DYNC2H1: variants seen among roughly 807,000 people sequenced by gnomAD.
DYNC2H1 encodes cytoplasmic dynein 2 heavy chain 1.
A neutral mutation model predicts 570.0 loss-of-function variants in DYNC2H1; 410 were observed. The observed-to-expected ratio is 0.72, with a 90% CI of 0.66 to 0.78. DYNC2H1 has a LOEUF of 0.78. Ranked by LOEUF, DYNC2H1 falls within the 30% of genes least tolerant of loss-of-function variation. The probability of loss-of-function intolerance (pLI) is 0.00; values close to 1 mark genes in which losing one functional copy is unlikely to be tolerated. For missense variants in DYNC2H1, 4,865 were observed against 5,046.4 expected (o/e 0.96, Z 1.09); for synonymous variants, 1,688 against 1,677.6 (o/e 1.01, Z -0.15).
intron 31 of DYNC2H1, among the ~76,000 whole-genome samples, chr11:103,167,545 G>A (rs1344907674): frequency 6.6e-6 from 1 of 152,114 alleles, no homozygotes; most frequent in Non-Finnish European, 1.5e-5. Flanking sequence ...TGGGATTACA[G>A]GCATGAGCCT....
chr11:103,117,800 T>C lies in DYNC2H1; in HGVS notation c.936T>C (p.His312=), dbSNP rs777107221. 30 of 1,612,986 alleles carry C rather than the reference T, an allele frequency of 1.9e-5. No homozygotes were observed. The highest frequency in any genetic ancestry group is 2.5e-5 in the Non-Finnish European group (30 of 1,179,270). ...AGGTGTGGCAGCGCTATGTTCCTCA[T>C]CCATGGAAAAATGAAAAATATTTTC... is the stretch of plus-strand genomic sequence containing the variant. ...TGQVWQRYVP[H]PWKNEKYFPE... The change falls in exon 6 of 89, where the codon CAT becomes CAC. Residue 312 remains histidine, a synonymous_variant. Coordinates refer to ENST00000375735, the MANE Select transcript of DYNC2H1 (RefSeq NM_001377.3).
chr11:103,231,559 T>C (rs1413187071), intron 60 of DYNC2H1, among the ~76,000 whole-genome samples: 1 of 148,846 alleles, frequency 6.7e-6, no homozygotes. Flanking sequence ...AAAAATTTCT[T>C]CATGCAAATG....
rs138316760 is a variant in DYNC2H1 at position 103,128,563 on chromosome 11, C to A, written c.1858-347C>A. On this transcript the variant is annotated intron_variant, in intron 12 of 88. Transcript: ENST00000375735. Reference sequence around the variant, plus strand: ...TAGCATATACTGAAAAAAGAAGGAGCAGATTTGGAGAAGTGCAGGAATTAA... The same window carrying A: ...TAGCATATACTGAAAAAAGAAGGAGAAGATTTGGAGAAGTGCAGGAATTAA... Among the ~76,000 whole-genome samples the A allele has an allele frequency of 1.6e-3, 251 of 152,314 alleles. 1 individual carries two copies. Among genetic ancestry groups the A allele is most frequent in the Middle Eastern group, 0.01 (3 of 294 alleles).
chr11:103,464,174 A>G (rs564267858), intron 87 of DYNC2H1, among the ~76,000 whole-genome samples: 1 of 152,364 alleles, frequency 6.6e-6, no homozygotes, highest in Non-Finnish European at 1.5e-5. Flanking sequence ...TTGAACAGAT[A>G]CATGAAGGAA....
At chr11:103,113,284 G>T (rs1858201369) in intron 1 of DYNC2H1, among the ~76,000 whole-genome samples, 1 of 152,060 alleles carries the variant, frequency 6.6e-6, no homozygotes, top group East Asian at 1.9e-4. Flanking sequence ...ATAGTTAGCA[G>T]TCAACAACGT....
rs1303045093 is a variant in DYNC2H1, at chr11:103,133,219, C to G, written c.1954-336C>G. Among the ~76,000 whole-genome samples the G allele has an allele frequency of 6.6e-6, 1 of 152,080 alleles. No homozygotes were observed. Among genetic ancestry groups the G allele is most frequent in the Non-Finnish European group, 1.5e-5 (1 of 68,018 alleles). On this transcript the variant is annotated intron_variant, in intron 13 of 88. Transcript: ENST00000375735. This position sits in a 1 kb window ranked among gnomAD's most constrained non-coding sequence, Gnocchi z 4.8. Reference sequence around the variant, plus strand: ...TTGGAATCTTCTCTAGCGCCCTGTCCTGGATGTATAGGAGATAATAAGGAA... The same window carrying G: ...TTGGAATCTTCTCTAGCGCCCTGTCGTGGATGTATAGGAGATAATAAGGAA...
In DYNC2H1 at chr11:103,203,774, A is replaced by G. The variant is rs775009595; in HGVS notation, c.8309A>G (p.Tyr2770Cys). 12 of 1,576,216 alleles carry G rather than the reference A, an allele frequency of 7.6e-6. 1 individual carries two copies. The highest frequency in any genetic ancestry group is 2.2e-5 in the East Asian group (1 of 44,516). Residue 2770 changes from tyrosine (Y) to cysteine (C), a missense_variant and splice_region_variant, in exon 51 of 89, where the codon TAT becomes TGT. Around this residue, in one of 5 missense-constraint regions of DYNC2H1, gnomAD observed 2,401 missense variants for 2,454.6 expected, o/e 0.98. Coordinates refer to ENST00000375735, the MANE Select transcript of DYNC2H1 (RefSeq NM_001377.3). This position sits in a 1 kb window ranked among gnomAD's most constrained non-coding sequence, Gnocchi z 4.7. ...FFGPVFNYFT[Y>C]RIQQNLHIVL... Reference sequence around the variant, plus strand: ...GGACCAGTCTTCAATTACTTCACATATAGTAAGTGACATAGAATTCATTAA... The same window carrying G: ...GGACCAGTCTTCAATTACTTCACATGTAGTAAGTGACATAGAATTCATTAA...
intron 71 of DYNC2H1, among the ~76,000 whole-genome samples, chr11:103,281,338 A>T (rs1287171960): frequency 6.6e-6 from 1 of 151,948 alleles, no homozygotes; most frequent in Non-Finnish European, 1.5e-5. Context: ...TTTCACTATG[A>T]TCAGTATGTT....
At position 103,222,165 on chromosome 11, in the gene DYNC2H1, G is replaced by A. The variant is rs369045696; in HGVS notation, c.9231+12G>A. Reference sequence around the variant, plus strand: ...CTTTTGATCCAAAGGTAATTTTTAAGTTATACTATAAATTTGTTTTTCCAT... The same window carrying A: ...CTTTTGATCCAAAGGTAATTTTTAAATTATACTATAAATTTGTTTTTCCAT... On this transcript the variant is annotated intron_variant, in intron 58 of 88. Transcript: ENST00000375735. 141 of 1,496,722 alleles carry A rather than the reference G, an allele frequency of 9.4e-5. No individual in the cohort carries two copies. Among genetic ancestry groups the A allele is most frequent in the Admixed American group, 3.8e-4 (18 of 47,372 alleles). 92.7% of individuals were successfully genotyped at this position (1,496,722 alleles called of 1,614,324 possible).
chr11:103,334,123 T>G lies in DYNC2H1; in HGVS notation c.12039+10133T>G, dbSNP rs1938985760. Among the ~76,000 whole-genome samples the G allele has an allele frequency of 1.3e-5, 2 of 152,178 alleles. No homozygotes were observed. Among genetic ancestry groups the G allele is most frequent in the African/African-American group, 4.8e-5 (2 of 41,456 alleles). On this transcript the variant is annotated intron_variant, in intron 82 of 88. Transcript: ENST00000375735. This position sits in a 1 kb window ranked among gnomAD's most constrained non-coding sequence, Gnocchi z 4.3. ...GAAAAATATGGGCCAACTTTACCTT[T>G]GAAAATATCCTTACTAATTTAATGA...
intron 87 of DYNC2H1, among the ~76,000 whole-genome samples, chr11:103,462,317 G>A (rs748552665): frequency 6.6e-6 from 1 of 151,418 alleles, no homozygotes; most frequent in Non-Finnish European, 1.5e-5. Flanking sequence ...TTTTTTTTGT[G>A]TGGAGGGGCA....
intron 85 of DYNC2H1, among the ~76,000 whole-genome samples, chr11:103,449,869 A>T (rs986923090): frequency 6.6e-6 from 1 of 152,190 alleles, no homozygotes; most frequent in Non-Finnish European, 1.5e-5. Context: ...TTACAAATTG[A>T]TAGGTATTTT....
chr11:103,162,449 T>G (rs996339804), intron 29 of DYNC2H1, among the ~76,000 whole-genome samples: 1 of 152,194 alleles, frequency 6.6e-6, no homozygotes, highest in Non-Finnish European at 1.5e-5. Context: ...TTTTATTATT[T>G]TATATATAAT....
chr11:103,204,868 T>C lies in DYNC2H1; in HGVS notation c.8358T>C (p.Asn2786=). ...LHIVLIMDSA[N]SNFMINCESN... is the part of the protein sequence containing the mutation. ...TTGTCTTGATAATGGATTCTGCAAA[T>C]TCAAACTTCATGATAAACTGTGAGA... Residue 2786 remains asparagine (N), a synonymous_variant, in exon 52 of 89, where the codon AAT becomes AAC. Transcript: ENST00000375735. This position sits in a 1 kb window ranked among gnomAD's most constrained non-coding sequence, Gnocchi z 4.1. 6.3e-7 allele frequency: 1 copy of C among 1,590,254 alleles called. No individual in the cohort carries two copies. Among genetic ancestry groups the C allele is most frequent in the South Asian group, 1.1e-5 (1 of 87,610 alleles).
At chr11:103,152,319 A>G (rs778379622) in intron 21 of DYNC2H1, 34 bp downstream of exon 21, 2 of 1,536,092 alleles carry the variant, frequency 1.3e-6, no homozygotes, top group Non-Finnish European at 1.7e-6. Flanking sequence ...TAAAATGGGA[A>G]CTTTTTTCTT....
chr11:103,354,262 A>G (rs1464843201), intron 82 of DYNC2H1, among the ~76,000 whole-genome samples: 1 of 149,122 alleles, frequency 6.7e-6, no homozygotes. Flanking sequence ...CTTCTACTCT[A>G]CCCTTGTTTG....
Position 103,171,649 on chromosome 11 carries a change from T to C in DYNC2H1, c.5334+581T>C, listed in dbSNP as rs188447959. ...TATTATTCTATTGTCTGTGCTGACATTGTTCACAGTGCCTTAATGTATTGT... is the reference window on the plus strand; with the variant it reads ...TATTATTCTATTGTCTGTGCTGACACTGTTCACAGTGCCTTAATGTATTGT... On this transcript the variant is annotated intron_variant, in intron 34 of 88. Coordinates refer to ENST00000375735, the MANE Select transcript of DYNC2H1 (RefSeq NM_001377.3). Among the ~76,000 whole-genome samples, 15 of 152,318 alleles carry C rather than the reference T, an allele frequency of 9.8e-5. No homozygotes were observed. In the East Asian group the frequency reaches 2.9e-3, roughly 29 times the overall value.
intron 69 of DYNC2H1, among the ~76,000 whole-genome samples, chr11:103,258,533 G>A (rs1418587146): frequency 1.3e-5 from 2 of 152,020 alleles, no homozygotes; most frequent in South Asian, 2.1e-4. Flanking sequence ...GAGTTGAGGG[G>A]CTAAGACAGG....
chr11:103,419,194 GC>G (rs1943392503), intron 84 of DYNC2H1, among the ~76,000 whole-genome samples: 1 of 152,164 alleles, frequency 6.6e-6, no homozygotes, highest in Non-Finnish European at 1.5e-5. Context: ...GGTAGACTTA[GC>G]CATTCCAGCC....
Sources: gnomAD v4.1 joint callset for allele counts (sites outside exome capture counted in the v4.1 genomes callset) on GRCh38, gnomAD v4.1.1 for gene constraint, gnomAD v4.1.1 regional missense constraint, Gnocchi (gnomAD v3.1) non-coding constraint, MANE v1.5 for transcripts, NCBI Gene and HGNC (gene_info 2026-07-23, HGNC 2026-07-21) for gene names.